RTL1: variants seen among roughly 807,000 people sequenced by gnomAD.
RTL1 encodes the protein retrotransposon Gag like 1, also known as retrotransposon-like protein 1.
For synonymous variants in RTL1, 727 were observed against 748.4 expected (o/e 0.97, Z 0.47); for missense variants, 1,681 against 1,767.5 (o/e 0.95, Z 0.88).
chr14:100,886,374 A>G (rs1268263830), intron 3 of RTL1, among the ~76,000 whole-genome samples: 1 of 152,238 alleles, frequency 6.6e-6, no homozygotes, highest in East Asian at 1.9e-4. Flanking sequence ...TCTCTGATTA[A>G]AGCCTTCCAC....
chr14:100,883,774 A>C lies in RTL1; in HGVS notation c.1015T>G (p.Phe339Val). 1 of 1,551,644 alleles carries C rather than the reference A, an allele frequency of 6.4e-7. No individual in the cohort carries two copies. Among genetic ancestry groups the C allele is most frequent in the South Asian group, 1.2e-5 (1 of 84,058 alleles). ...AGGGAATCCGGCTGAGGGACCCGGA[A>C]TAGATAGTGCCTGATCTCCTCGTTG... ...GLNEEIRHYL[F>V]RVPQPDSLDS... Residue 339 changes from phenylalanine to valine, a missense_variant, in exon 4 of 4, where the codon TTC (phenylalanine) becomes GTC (valine). Transcript: ENST00000649591. This position sits in a 1 kb window ranked among gnomAD's most constrained non-coding sequence, Gnocchi z 5.9.
In RTL1 at chr14:100,883,398, C is replaced by T; in HGVS notation, c.1391G>A (p.Gly464Asp). The change falls in exon 4 of 4, where the codon GGC (glycine) becomes GAC (aspartate). Residue 464 changes from glycine to aspartate, a missense_variant. Transcript: ENST00000649591. This position sits in a 1 kb window ranked among gnomAD's most constrained non-coding sequence, Gnocchi z 5.9. ...GACAGGCTCGTTGCCAATCAGCGAGCCGTCCACGGATTGGACCGGCTGTGG... is the reference window on the plus strand; with the variant it reads ...GACAGGCTCGTTGCCAATCAGCGAGTCGTCCACGGATTGGACCGGCTGTGG... ...PYPQPVQSVDGSLIGNEPVWL... is the reference protein window; with the variant it reads ...PYPQPVQSVDDSLIGNEPVWL... 2 of 1,550,442 alleles carry T rather than the reference C, an allele frequency of 1.3e-6. No individual in the cohort carries two copies. The highest frequency in any genetic ancestry group is 1.7e-6 in the Non-Finnish European group (2 of 1,146,162).
At position 100,881,196 on chromosome 14, in the gene RTL1, T is replaced by G. The variant is rs1200098274; in HGVS notation, c.3593A>C (p.Glu1198Ala). 1 of 1,542,038 alleles carries G rather than the reference T, an allele frequency of 6.5e-7. No homozygotes were observed. The highest frequency in any genetic ancestry group is 8.8e-7 in the Non-Finnish European group (1 of 1,142,164). ...GGGGGTGACTCTGACACCGAAGAAC[T>G]CACACAGCGTCAGCCAGAAGCCAGG... ...FTPGFWLTLC[E>A]FFGVRVTPQE... The change falls in exon 4 of 4, where the codon GAG (glutamate) becomes GCG (alanine). Residue 1198 changes from glutamate (E) to alanine (A), a missense_variant. Transcript: ENST00000649591. This position sits in a 1 kb window ranked among gnomAD's most constrained non-coding sequence, Gnocchi z 6.6.
intron 2 of RTL1, among the ~76,000 whole-genome samples, chr14:100,898,618 C>A (rs1158597836): frequency 6.6e-6 from 1 of 152,238 alleles, no homozygotes; most frequent in South Asian, 2.1e-4. Context: ...CAGCCTCAGC[C>A]CCTCCCCACT....
In RTL1 at chr14:100,903,598, T is replaced by C. The variant is rs544607651; in HGVS notation, c.-245+7A>G. 1.3e-5 allele frequency among the ~76,000 whole-genome samples: 2 copies of C among 152,268 alleles called. No homozygotes were observed. Among genetic ancestry groups the C allele is most frequent in the East Asian group, 3.9e-4 (2 of 5,170 alleles). ...TGAGGCACAGAAAGGCAAAGTCCTATACTCACCGTCTCTCAGCTGGTGTGA... is the reference window on the plus strand; with the variant it reads ...TGAGGCACAGAAAGGCAAAGTCCTACACTCACCGTCTCTCAGCTGGTGTGA... On this transcript the variant is annotated splice_region_variant and intron_variant, in intron 1 of 3. Transcript: ENST00000649591.
At position 100,884,386 on chromosome 14, in the gene RTL1, GTTC is replaced by G. The variant is rs775776949; in HGVS notation, c.400_402del (p.Glu134del). 10 of 1,585,958 alleles carry G rather than the reference GTTC, an allele frequency of 6.3e-6. No individual in the cohort carries two copies. Among genetic ancestry groups the G allele is most frequent in the Middle Eastern group, 3.3e-4 (2 of 6,036 alleles). ...TCCTTCAGGTCAGTGTGAGCCTCTT[GTTC>G]TTCTCGGGCTCCCGATGGGTTGACT... On this transcript the variant is annotated inframe_deletion, in exon 4 of 4. Coordinates refer to ENST00000649591, the MANE Select transcript of RTL1 (RefSeq NM_001134888.3).
rs755488 is a variant in RTL1, at chr14:100,892,840, C to T, written c.-87+604G>A. Among the ~76,000 whole-genome samples, 838 of 152,138 alleles carry T rather than the reference C, an allele frequency of 5.5e-3. 24 individuals carry two copies. Among genetic ancestry groups the T allele is most frequent in the East Asian group, 0.051 (264 of 5,158 alleles). On this transcript the variant is annotated intron_variant, in intron 3 of 3. Coordinates refer to ENST00000649591, the MANE Select transcript of RTL1 (RefSeq NM_001134888.3). ...CTCTGAGTACCTGCTCTGTGTCAGG[C>T]GTGATTCTAGCCACTCACCCCTAAA...
In RTL1 at chr14:100,893,259, C is replaced by A. The variant is rs1054201218; in HGVS notation, c.-87+185G>T. 6.6e-6 allele frequency among the ~76,000 whole-genome samples: 1 copy of A among 152,190 alleles called. No individual in the cohort carries two copies. Among genetic ancestry groups the A allele is most frequent in the African/African-American group, 2.4e-5 (1 of 41,448 alleles). On this transcript the variant is annotated intron_variant, in intron 3 of 3. Coordinates refer to ENST00000649591, the MANE Select transcript of RTL1 (RefSeq NM_001134888.3). The surrounding 1 kb of genome is among the most constrained non-coding windows in gnomAD (Gnocchi z 4.2). ...CTGGCCCAGGACCTGCTAATTATAG[C>A]TGCTCAAGTATTTGAATAGAGGCCT...
rs554798512 is a variant in RTL1 at position 100,880,651 on chromosome 14, C to T, written c.*61G>A. On this transcript the variant is annotated 3_prime_UTR_variant, in exon 4 of 4. Coordinates refer to ENST00000649591, the MANE Select transcript of RTL1 (RefSeq NM_001134888.3). Reference sequence around the variant, plus strand: ...GCTGAGGCGCGGGGAGGCCAGGGGACGTCGGGAGGTGTTGGGGTGAGAAAT... The same window carrying T: ...GCTGAGGCGCGGGGAGGCCAGGGGATGTCGGGAGGTGTTGGGGTGAGAAAT... 91 of 1,540,200 alleles carry T rather than the reference C, an allele frequency of 5.9e-5. No homozygotes were observed. The highest frequency in any genetic ancestry group is 2.0e-4 in the Admixed American group (10 of 50,400).
Position 100,884,859 on chromosome 14 carries a change from C to A in RTL1, c.-71G>T, listed in dbSNP as rs533061205. 65 of 1,415,860 alleles carry A rather than the reference C, an allele frequency of 4.6e-5. No homozygotes were observed. In the Admixed American group the frequency reaches 6.3e-4, roughly 14 times the overall value. The allele number at this position is 1,415,860 out of a possible 1,614,324, so 87.7% of individuals were successfully genotyped here. ...GATGGCGTCCAGTCAGTAGCTGGGA[C>A]CGTGGAGATCAGAACCTGGTGGTGG... On this transcript the variant is annotated 5_prime_UTR_variant, in exon 4 of 4. Transcript: ENST00000649591.
intron 2 of RTL1, among the ~76,000 whole-genome samples, chr14:100,894,442 C>T (rs2038827269): frequency 6.6e-6 from 1 of 152,242 alleles, no homozygotes; most frequent in South Asian, 2.1e-4. Flanking sequence ...CTGACCCTGC[C>T]ACCTGCATGC....
At chr14:100,885,770 T>C (rs2038689474) in intron 3 of RTL1, among the ~76,000 whole-genome samples, 1 of 152,182 alleles carries the variant, frequency 6.6e-6, no homozygotes, top group Non-Finnish European at 1.5e-5. Context: ...TTCACACATC[T>C]GGCCTCAATT....
At chr14:100,899,651 A>C (rs944503267) in intron 2 of RTL1, among the ~76,000 whole-genome samples, 1 of 149,882 alleles carries the variant, frequency 6.7e-6, no homozygotes, top group African/African-American at 2.5e-5. Context: ...TACAGAACAG[A>C]CTTGAGCTGC....
chr14:100,891,155 G>A (rs1179751574), intron 3 of RTL1, among the ~76,000 whole-genome samples: 3 of 152,068 alleles, frequency 2.0e-5, no homozygotes, highest in East Asian at 3.9e-4. Context: ...TGCTGGCCTG[G>A]CATAGCTTAT....
At position 100,881,707 on chromosome 14, in the gene RTL1, T is replaced by C; in HGVS notation, c.3082A>G (p.Thr1028Ala). 6.3e-7 allele frequency: 1 copy of C among 1,582,134 alleles called. No homozygotes were observed. The highest frequency in any genetic ancestry group is 8.6e-7 in the Non-Finnish European group (1 of 1,163,586). The stretch of plus-strand genomic sequence containing the variant: ...TCATTCTCTTCTTCCCCGGATTCCG[T>C]CGATGGATCCCTGGGGAATCCCCTT... Reference protein sequence around the residue: ...ASRGFPRDPSTESGEEENEEQ... With the variant: ...ASRGFPRDPSAESGEEENEEQ... Residue 1028 changes from threonine to alanine, a missense_variant, in exon 4 of 4, where the codon ACG becomes GCG. By Grantham distance (58) the Thr-to-Ala change is moderately conservative (BLOSUM62 0). Transcript: ENST00000649591. The surrounding 1 kb of genome is among the most constrained non-coding windows in gnomAD (Gnocchi z 6.6).
chr14:100,890,625 C>T (rs2038761935), intron 3 of RTL1, among the ~76,000 whole-genome samples: 1 of 152,044 alleles, frequency 6.6e-6, no homozygotes. Flanking sequence ...CTCCTGGCCT[C>T]CAGAAACTAG....
chr14:100,884,930 G>C, intron 3 of RTL1, 56 bp from the exon 4 acceptor site: 1 of 731,306 alleles, frequency 1.4e-6, no homozygotes, highest in Non-Finnish European at 2.2e-6. Flanking sequence ...ATCTTGTGAA[G>C]TGGCAGTATC....
At position 100,882,201 on chromosome 14, in the gene RTL1, G is replaced by T. The variant is rs1428856167; in HGVS notation, c.2588C>A (p.Ala863Glu). 6.4e-7 allele frequency: 1 copy of T among 1,550,542 alleles called. No homozygotes were observed. Among genetic ancestry groups the T allele is most frequent in the Non-Finnish European group, 8.7e-7 (1 of 1,146,990 alleles). The stretch of plus-strand genomic sequence containing the variant: ...GGGCTTGGGGTGGTGGAGGAGAGGC[G>T]CCTTGCGGAAAGCCCTCTTCAGGCA... ...FECLKRAFRK[A>E]PLLHHPKPQN... The change falls in exon 4 of 4, where the codon GCG becomes GAG. Residue 863 changes from alanine (A) to glutamate (E), a missense_variant. Coordinates refer to ENST00000649591, the MANE Select transcript of RTL1 (RefSeq NM_001134888.3).
intron 2 of RTL1, chr14:100,895,066 T>C (rs4900479): frequency 0.76 from 115,294 of 152,266 alleles, 44,639 homozygotes; most frequent in African/African-American, 0.93. Flanking sequence ...CTCTCCCACC[T>C]AACAGCCCCT....
Sources: gnomAD v4.1 joint callset for allele counts (sites outside exome capture counted in the v4.1 genomes callset) on GRCh38, gnomAD v4.1.1 for gene constraint, Gnocchi (gnomAD v3.1) non-coding constraint, MANE v1.5 for transcripts, NCBI Gene and HGNC (gene_info 2026-07-23, HGNC 2026-07-21) for gene names.